The following GRM7 variants were observed in gnomAD, a reference collection of about 807,000 sequenced individuals.
The protein encoded by GRM7 is glutamate metabotropic receptor 7.
Under a neutral mutation model 84.5 loss-of-function variants are expected in GRM7, and 35 were observed. The ratio of observed to expected loss-of-function variants is 0.41; its 90% CI spans 0.32 to 0.55. The LOEUF (loss-of-function observed/expected upper bound fraction) is 0.55, where lower values mean the gene tolerates loss of function less well. GRM7 is among the 20% of genes least tolerant of loss of function. The pLI is 0.19. For missense variants in GRM7, 1,003 were observed against 1,194.6 expected (o/e 0.84, Z 2.36); for synonymous variants, 487 against 455.1 (o/e 1.07, Z -0.89).
chr3:7,048,735 C>A (rs7428271), intron 1 of GRM7, among the ~76,000 whole-genome samples: 1 of 151,514 alleles, frequency 6.6e-6, no homozygotes, highest in African/African-American at 2.4e-5. Context: ...CTTTGTGGTA[C>A]GAACACTTAA....
intron 4 of GRM7, among the ~76,000 whole-genome samples, chr3:7,375,367 C>A (rs9835836): frequency 6.6e-6 from 1 of 151,822 alleles, no homozygotes; most frequent in African/African-American, 2.4e-5. Flanking sequence ...TACAGGCGTG[C>A]GCTTCCATGC....
intron 1 of GRM7, among the ~76,000 whole-genome samples, chr3:7,015,311 A>G (rs145199490): frequency 5.1e-4 from 78 of 152,334 alleles, no homozygotes; most frequent in African/African-American, 1.8e-3. Flanking sequence ...CGAGACCAAG[A>G]ACCCACCAGA....
At chr3:7,216,510 G>T (rs1017985934) in intron 2 of GRM7, among the ~76,000 whole-genome samples, 3 of 152,176 alleles carry the variant, frequency 2.0e-5, no homozygotes, top group Non-Finnish European at 4.4e-5. Context: ...ATCAGCTGAA[G>T]ATATGAGATT....
intron 7 of GRM7, among the ~76,000 whole-genome samples, chr3:7,549,750 A>G (rs975290042): frequency 3.3e-5 from 5 of 152,252 alleles, no homozygotes; most frequent in Non-Finnish European, 7.3e-5. Context: ...GTGAGGCCAG[A>G]AGATTTTGAA....
At chr3:7,467,489 G>A (rs1698509431) in intron 7 of GRM7, among the ~76,000 whole-genome samples, 1 of 152,146 alleles carries the variant, frequency 6.6e-6, no homozygotes, top group African/African-American at 2.4e-5. Context: ...ATAGTGATAG[G>A]GATGGGTACC....
At chr3:7,022,237 G>T (rs1423974275) in intron 1 of GRM7, among the ~76,000 whole-genome samples, 2 of 151,754 alleles carry the variant, frequency 1.3e-5, no homozygotes, top group Non-Finnish European at 2.9e-5. Context: ...GAGGTGGGAC[G>T]ATTGCTTGAG....
rs1701357867 is a variant in GRM7 at position 7,335,246 on chromosome 3, T to A, written c.1033+28594T>A. On this transcript the variant is annotated intron_variant, in intron 4 of 9. Coordinates refer to ENST00000357716, the MANE Select transcript of GRM7 (RefSeq NM_000844.4). ...ACCACAGTGAAATAAAATTGGAAAC[T>A]AACTCCAAGAGGAACCTTTAAAACT... 2.0e-5 allele frequency among the ~76,000 whole-genome samples: 3 copies of A among 152,006 alleles called. No individual in the cohort carries two copies. The South Asian group carries it at 6.2e-4, about 31-fold the overall frequency.
At chr3:7,371,049 A>G (rs569600925) in intron 4 of GRM7, among the ~76,000 whole-genome samples, 1 of 152,210 alleles carries the variant, frequency 6.6e-6, no homozygotes, top group Admixed American at 6.5e-5. Flanking sequence ...TATTTTCAGT[A>G]TTTTTTCTTT....
In GRM7 at chr3:7,019,585, A is replaced by G. The variant is rs575312351; in HGVS notation, c.520-126867A>G. ...GAGTCGCCATCATTTTGTGATGCCA[A>G]CAAGCATTTACCAATGAATAAGAGT... On this transcript the variant is annotated intron_variant, in intron 1 of 9. Coordinates refer to ENST00000357716, the MANE Select transcript of GRM7 (RefSeq NM_000844.4). Among the ~76,000 whole-genome samples the G allele has an allele frequency of 2.2e-4, 34 of 152,360 alleles. No homozygotes were observed. The South Asian group carries it at 5.8e-3, about 26-fold the overall frequency.
chr3:7,637,811 A>G (rs1347719860), intron 8 of GRM7, among the ~76,000 whole-genome samples: 1 of 152,200 alleles, frequency 6.6e-6, no homozygotes, highest in Admixed American at 6.5e-5. Flanking sequence ...ATGCAAAGAC[A>G]CAGACTGGCA....
chr3:7,523,548 A>C (rs1225174489), intron 7 of GRM7, among the ~76,000 whole-genome samples: 1 of 152,208 alleles, frequency 6.6e-6, no homozygotes, highest in African/African-American at 2.4e-5. Context: ...AATAGCACTT[A>C]AATAATAAAT....
chr3:7,480,511 G>A (rs561909495), intron 7 of GRM7, among the ~76,000 whole-genome samples: 4 of 152,210 alleles, frequency 2.6e-5, no homozygotes, highest in East Asian at 3.9e-4. Context: ...GTCTGGCATC[G>A]GCCCCATAAT....
chr3:7,445,648 C>T (rs1247228141), intron 5 of GRM7, among the ~76,000 whole-genome samples: 1 of 152,158 alleles, frequency 6.6e-6, no homozygotes, highest in Non-Finnish European at 1.5e-5. Flanking sequence ...ATAATTCTCA[C>T]AAGGCCATAG....
At chr3:7,021,056 T>C (rs1695757587) in intron 1 of GRM7, among the ~76,000 whole-genome samples, 1 of 152,094 alleles carries the variant, frequency 6.6e-6, no homozygotes, top group Non-Finnish European at 1.5e-5. Context: ...CCAGATTATG[T>C]TTTCTATACA....
At chr3:7,305,388 G>T (rs1575145252) in intron 3 of GRM7, among the ~76,000 whole-genome samples, 3 of 43,876 alleles carry the variant, frequency 6.8e-5, no homozygotes, top group South Asian at 8.1e-4. Context: ...GGATACATGT[G>T]CACATTGTGC....
chr3:7,028,113 A>T (rs1354039370), intron 1 of GRM7, among the ~76,000 whole-genome samples: 1 of 152,132 alleles, frequency 6.6e-6, no homozygotes, highest in African/African-American at 2.4e-5. Flanking sequence ...GGATGGCAGG[A>T]ACATTGTCTT....
At chr3:7,435,029 A>G (rs1045665805) in intron 5 of GRM7, among the ~76,000 whole-genome samples, 1 of 152,104 alleles carries the variant, frequency 6.6e-6, no homozygotes, top group Non-Finnish European at 1.5e-5. Flanking sequence ...TTTGTAGTTT[A>G]TATCTCTTAA....
chr3:7,400,418 C>A (rs1181806990), intron 4 of GRM7, among the ~76,000 whole-genome samples: 1 of 152,166 alleles, frequency 6.6e-6, no homozygotes, highest in African/African-American at 2.4e-5. Context: ...TGTGAGATAA[C>A]ATCCTGACTC....
At chr3:7,617,480 C>G (rs1697146188) in intron 8 of GRM7, among the ~76,000 whole-genome samples, 1 of 151,886 alleles carries the variant, frequency 6.6e-6, no homozygotes, top group Non-Finnish European at 1.5e-5. Context: ...AAATATAACA[C>G]AAATTTGGAA....
Sources: gnomAD v4.1 joint callset for allele counts (sites outside exome capture counted in the v4.1 genomes callset) on GRCh38, gnomAD v4.1.1 for gene constraint, MANE v1.5 for transcripts, NCBI Gene and HGNC (gene_info 2026-07-23, HGNC 2026-07-21) for gene names.